Variants in ABCB5 observed in about 807,000 individuals in gnomAD.
ABCB5 encodes ATP binding cassette subfamily B member 5, also known as ATP-binding cassette sub-family B member 5.
ABCB5 carries 155 observed loss-of-function variants against 144.2 expected under a neutral mutation model. That is an observed-to-expected ratio of 1.08 (90% CI 0.94 to 1.23). The LOEUF (loss-of-function observed/expected upper bound fraction) is 1.23. ABCB5 is among the 50% of genes most tolerant of loss of function. The probability of loss-of-function intolerance (pLI) is 0.00; values close to 1 mark genes in which losing one functional copy is unlikely to be tolerated. For synonymous variants in ABCB5, 610 were observed against 528.6 expected (o/e 1.15, Z -2.11); for missense variants, 1,830 against 1,520.8 (o/e 1.20, Z -3.38).
rs148941792 is a variant in ABCB5 at position 20,698,518 on chromosome 7, G to A, written c.2122G>A (p.Val708Ile). 4.3e-5 allele frequency: 68 copies of A among 1,597,332 alleles called. No homozygotes were observed. In the African/African-American group the frequency reaches 7.7e-4, roughly 18 times the overall value. The part of the protein sequence containing the change: ...ASVLNGTVHP[V>I]FSIIFAKIIT... ...TGTTCTAAATGGAACTGTTCATCCA[G>A]TATTTTCCATCATCTTTGCAAAAAT... Residue 708 changes from valine (V) to isoleucine (I), a missense_variant, in exon 17 of 28, where the codon GTA becomes ATA. By Grantham distance (29) the Val-to-Ile change is conservative (BLOSUM62 3). Coordinates refer to ENST00000404938, the MANE Select transcript of ABCB5 (RefSeq NM_001163941.2).
At chr7:20,642,799 C>A (rs569726048) in intron 5 of ABCB5, among the ~76,000 whole-genome samples, 1 of 152,218 alleles carries the variant, frequency 6.6e-6, no homozygotes, top group African/African-American at 2.4e-5. Context: ...TTGGGGCTGA[C>A]TATGTATAGT....
intron 2 of ABCB5, among the ~76,000 whole-genome samples, chr7:20,623,654 T>C (rs1276323688): frequency 1.3e-5 from 2 of 152,188 alleles, no homozygotes; most frequent in Non-Finnish European, 2.9e-5. Context: ...AAATTTTAAT[T>C]TCAATTCTCT....
chr7:20,659,257 G>T, intron 14 of ABCB5: 1 of 1,512,882 alleles, frequency 6.6e-7, no homozygotes, highest in Non-Finnish European at 8.8e-7. Context: ...TCTAGGAGGG[G>T]AGTTGGCAGT....
intron 14 of ABCB5, among the ~76,000 whole-genome samples, chr7:20,675,371 G>T (rs181128747): frequency 6.6e-6 from 1 of 151,928 alleles, no homozygotes; most frequent in South Asian, 2.1e-4. Context: ...TTTGACAAGG[G>T]TGCAAAGAGT....
At chr7:20,640,328 T>C (rs1348394144) in intron 5 of ABCB5, among the ~76,000 whole-genome samples, 3 of 152,186 alleles carry the variant, frequency 2.0e-5, no homozygotes, top group African/African-American at 7.2e-5. Flanking sequence ...GTCAACCAAA[T>C]AATACACAAC....
rs757726359 is a variant in ABCB5 at position 20,651,499 on chromosome 7, C to T, written c.1412C>T (p.Pro471Leu). Residue 471 changes from proline to leucine, a missense_variant, in exon 13 of 28, where the codon CCT (proline) becomes CTT (leucine). Pro to Leu is a moderately conservative substitution (Grantham distance 98). Coordinates refer to ENST00000404938, the MANE Select transcript of ABCB5 (RefSeq NM_001163941.2). ...CATATTGGAGTGGTTAGTCAAGAGC[C>T]TGTTTTGTTCGGGACCACCATCAGT... Reference protein sequence around the residue: ...RDHIGVVSQEPVLFGTTISNN... With the variant: ...RDHIGVVSQELVLFGTTISNN... The T allele has an allele frequency of 8.1e-6, 13 of 1,614,018 alleles. No individual in the cohort carries two copies. Among genetic ancestry groups the T allele is most frequent in the Middle Eastern group, 3.3e-4 (2 of 6,062 alleles).
At chr7:20,682,337 A>G (rs181814233) in intron 15 of ABCB5, among the ~76,000 whole-genome samples, 19 of 152,322 alleles carry the variant, frequency 1.2e-4, no homozygotes, top group African/African-American at 4.6e-4. Flanking sequence ...AAATTGCAAA[A>G]TTGTGCATAT....
intron 20 of ABCB5, among the ~76,000 whole-genome samples, chr7:20,715,746 C>G (rs1781655328): frequency 6.8e-6 from 1 of 146,112 alleles, no homozygotes; most frequent in African/African-American, 2.6e-5. Flanking sequence ...TTTTTTGAGA[C>G]AGTCTCTCTG....
intron 2 of ABCB5, among the ~76,000 whole-genome samples, chr7:20,624,319 C>A (rs1783862527): frequency 6.6e-6 from 1 of 152,282 alleles, no homozygotes; most frequent in Admixed American, 6.5e-5. Context: ...GAAGTTCAAT[C>A]ACTAGCTACA....
intron 20 of ABCB5, among the ~76,000 whole-genome samples, chr7:20,708,981 A>T (rs939539928): frequency 1.3e-5 from 2 of 152,160 alleles, no homozygotes; most frequent in African/African-American, 4.8e-5. Flanking sequence ...TTCAAATTCA[A>T]CGTTGGCTCC....
In ABCB5 at chr7:20,723,125, T is replaced by C. The variant is rs1254010431; in HGVS notation, c.2531T>C (p.Ile844Thr). ...GWEMTFLILSIAPVLAVTGMI... is the reference protein window; with the variant it reads ...GWEMTFLILSTAPVLAVTGMI... The stretch of plus-strand genomic sequence containing the variant: ...GAGATGACATTCCTGATTCTGAGTA[T>C]TGCTCCAGTACTTGCCGTGACAGGA... Residue 844 changes from isoleucine to threonine, a missense_variant, in exon 21 of 28, where the codon ATT becomes ACT. Ile to Thr is a moderately conservative substitution (Grantham distance 89). Transcript: ENST00000404938. The C allele has an allele frequency of 6.2e-7, 1 of 1,614,030 alleles. No individual in the cohort carries two copies. The highest frequency in any genetic ancestry group is 2.2e-5 in the East Asian group (1 of 44,874).
chr7:20,641,352 A>AACAC (rs111933366), intron 5 of ABCB5, among the ~76,000 whole-genome samples: 30 of 108,498 alleles, frequency 2.8e-4, no homozygotes, highest in South Asian at 1.7e-3. Flanking sequence ...ATTATTGCAA[A>AACAC]ACACACACAC....
chr7:20,621,085 A>G (rs1030351106), intron 1 of ABCB5, among the ~76,000 whole-genome samples: 1 of 152,114 alleles, frequency 6.6e-6, no homozygotes, highest in African/African-American at 2.4e-5. Context: ...TAAAATTGTG[A>G]TACATTGATG....
rs751362719 is a variant in ABCB5 at position 20,753,520 on chromosome 7, C to T, written c.3576+14C>T. The T allele has an allele frequency of 6.2e-7, 1 of 1,606,598 alleles. No homozygotes were observed. Among genetic ancestry groups the T allele is most frequent in the Admixed American group, 1.7e-5 (1 of 58,460 alleles). ...GACAGTGAGAAGGTAACATCATTTT[C>T]TTTTATCTCAGAATATAATACCAAA... On this transcript the variant is annotated intron_variant, in intron 27 of 27. Transcript: ENST00000404938.
Position 20,650,082 on chromosome 7 carries a change from A to G in ABCB5, c.1267A>G (p.Asn423Asp), listed in dbSNP as rs767932235. ...SGETVALVGL[N>D]GSGKSTVVQL... Reference sequence around the variant, plus strand: ...AGAGACAGTCGCCTTGGTCGGTCTCAATGGCAGTGGGAAGAGTACGGTAGT... The same window carrying G: ...AGAGACAGTCGCCTTGGTCGGTCTCGATGGCAGTGGGAAGAGTACGGTAGT... Residue 423 changes from asparagine (N) to aspartate (D), a missense_variant, in exon 12 of 28, where the codon AAT becomes GAT. Asn to Asp is a conservative substitution (Grantham distance 23). Transcript: ENST00000404938. 1.2e-5 allele frequency: 20 copies of G among 1,613,488 alleles called. No individual in the cohort carries two copies. The Admixed American group carries it at 2.5e-4, about 20-fold the overall frequency.
intron 3 of ABCB5, 46 bp from the exon 4 acceptor site, chr7:20,628,638 GTGTT>G (rs755533255): frequency 8.3e-5 from 130 of 1,572,234 alleles, no homozygotes; most frequent in Middle Eastern, 1.7e-4. Context: ...TGTGCTTGGT[GTGTT>G]TGTTTGTTTT....
chr7:20,650,414 A>C lies in ABCB5; in HGVS notation c.1332+267A>C, dbSNP rs890849366. 2.6e-5 allele frequency among the ~76,000 whole-genome samples: 4 copies of C among 152,370 alleles called. No individual in the cohort carries two copies. The South Asian group carries it at 8.3e-4, about 32-fold the overall frequency. ...AGTTTACATTCTAATAATCAGAGGC[A>C]GACAATAAAAAAATAAGTAAATTAT... On this transcript the variant is annotated intron_variant, in intron 12 of 27. Transcript: ENST00000404938.
chr7:20,666,847 C>G lies in ABCB5; in HGVS notation c.1707+8171C>G, dbSNP rs371430306. The G allele has an allele frequency of 5.1e-5, 74 of 1,456,900 alleles. No homozygotes were observed. The African/African-American group carries it at 6.7e-4, about 13-fold the overall frequency. 90.2% of individuals were successfully genotyped at this position (1,456,900 alleles called of 1,614,324 possible). A position where few individuals can be genotyped will look rare whatever the true frequency, so the allele number is the denominator to read the frequency against. ...ACCACAGTGGTATGAATTGCACTAT[C>G]TCCCTAATCTTTACACTAATTCTGG... is the stretch of plus-strand genomic sequence containing the variant. On this transcript the variant is annotated intron_variant, in intron 14 of 27. Coordinates refer to ENST00000404938, the MANE Select transcript of ABCB5 (RefSeq NM_001163941.2).
At chr7:20,685,495 G>C (rs890191379) in intron 15 of ABCB5, among the ~76,000 whole-genome samples, 1 of 152,134 alleles carries the variant, frequency 6.6e-6, no homozygotes, top group Admixed American at 6.5e-5. Flanking sequence ...AGGACAATGA[G>C]CTATTGTCAG....
Sources: allele counts gnomAD v4.1 joint callset (sites outside exome capture counted in the v4.1 genomes callset), GRCh38; gene constraint gnomAD v4.1.1; transcripts MANE v1.5; gene names NCBI Gene and HGNC (gene_info 2026-07-23, HGNC 2026-07-21).